Variants in PCDH11X observed in about 807,000 individuals in gnomAD.
The protein encoded by PCDH11X is protocadherin-11 X-linked.
In PCDH11X, 18 loss-of-function variants were observed where a neutral mutation model predicts 53.3. That is an observed-to-expected ratio of 0.34 (90% CI 0.23 to 0.50). The LOEUF (loss-of-function observed/expected upper bound fraction) is 0.50. PCDH11X is among the 20% of genes least tolerant of loss of function. The probability of loss-of-function intolerance (pLI) is 0.98; values close to 1 mark genes in which losing one functional copy is unlikely to be tolerated. For missense variants in PCDH11X, 570 were observed against 1,032.4 expected (o/e 0.55, Z 6.14); for synonymous variants, 279 against 393.3 (o/e 0.71, Z 3.44).
chrX:92,334,165 C>G (rs1390256814), intron 8 of PCDH11X, among the ~76,000 whole-genome samples: 1 of 111,680 alleles, frequency 9.0e-6, no homozygotes, highest in Non-Finnish European at 1.9e-5. Flanking sequence ...AATGTAGACA[C>G]TAGTCTATTT....
chrX:92,601,542 C>A (rs1366763657), intron 10 of PCDH11X, among the ~76,000 whole-genome samples: 2 of 107,043 alleles, frequency 1.9e-5, no homozygotes, highest in African/African-American at 6.9e-5. Flanking sequence ...CCATATGACC[C>A]AACCATTCTA....
intron 9 of PCDH11X, among the ~76,000 whole-genome samples, chrX:92,417,673 G>A (rs748848389): frequency 2.9e-4 from 32 of 110,674 alleles, no homozygotes; most frequent in Non-Finnish European, 2.3e-4. Flanking sequence ...AAAAATGACT[G>A]GTGGAAAAGA....
In PCDH11X at chrX:92,175,783, TATAC is replaced by T. The variant is rs1285185659; in HGVS notation, c.3034-25590_3034-25587del. On this transcript the variant is annotated intron_variant, in intron 6 of 10. Transcript: ENST00000682573. ...GTGTGTGTGTGTGTGTGTGTATATA[TATAC>T]ACACACACACACACACAGAGAGAGA... Among the ~76,000 whole-genome samples, 29 of 85,841 alleles carry T rather than the reference TATAC, an allele frequency of 3.4e-4. No individual in the cohort carries two copies. In the East Asian group the frequency reaches 5.8e-3, roughly 17 times the overall value. 74.5% of individuals were successfully genotyped at this position (85,841 alleles called of 115,157 possible). A position where few individuals can be genotyped will look rare whatever the true frequency, so the allele number is the denominator to read the frequency against.
intron 9 of PCDH11X, among the ~76,000 whole-genome samples, chrX:92,412,417 C>G (rs2071697197): frequency 9.7e-6 from 1 of 103,130 alleles, no homozygotes; most frequent in African/African-American, 3.6e-5. Flanking sequence ...CGTCTCAGAA[C>G]CTACTGAGGT....
intron 4 of PCDH11X, among the ~76,000 whole-genome samples, chrX:91,823,719 G>A (rs1936790307): frequency 9.0e-6 from 1 of 111,232 alleles, no homozygotes; most frequent in Non-Finnish European, 1.9e-5. Flanking sequence ...CTGTCATTAT[G>A]ATGTTAGCTG....
Position 92,044,257 on chromosome X carries a change from A to T in PCDH11X, c.3034-157118A>T, listed in dbSNP as rs2063251869. On this transcript the variant is annotated intron_variant, in intron 6 of 10. Transcript: ENST00000682573. ...CTGATAAGCGCTGAAGGCTGAATTGAGATGAATACATTCACTGTTGTTTAG... is the reference window on the plus strand; with the variant it reads ...CTGATAAGCGCTGAAGGCTGAATTGTGATGAATACATTCACTGTTGTTTAG... Among the ~76,000 whole-genome samples the T allele has an allele frequency of 2.9e-5, 3 of 104,843 alleles. No individual in the cohort carries two copies. The South Asian group carries it at 1.3e-3, about 47-fold the overall frequency. The allele number at this position is 104,843 out of a possible 115,157, so 91.0% of individuals were successfully genotyped here. A position where few individuals can be genotyped will look rare whatever the true frequency, so the allele number is the denominator to read the frequency against.
intron 1 of PCDH11X, among the ~76,000 whole-genome samples, chrX:91,807,649 G>T (rs1936164904): frequency 9.0e-6 from 1 of 111,408 alleles, no homozygotes; most frequent in South Asian, 3.8e-4. Context: ...AGAGGTTCAT[G>T]ACCTCTTGTT....
intron 10 of PCDH11X, among the ~76,000 whole-genome samples, chrX:92,580,663 G>A (rs970064461): frequency 3.9e-4 from 44 of 111,409 alleles, no homozygotes; most frequent in Admixed American, 8.6e-4. Context: ...AGTCATTTAG[G>A]CACTCTCCAA....
At chrX:92,312,894 G>T (rs2068981474) in intron 8 of PCDH11X, among the ~76,000 whole-genome samples, 1 of 111,266 alleles carries the variant, frequency 9.0e-6, no homozygotes, top group Non-Finnish European at 1.9e-5. Context: ...TCCTGTTCAG[G>T]AATAGAGGCT....
intron 8 of PCDH11X, among the ~76,000 whole-genome samples, chrX:92,275,445 C>T (rs998206963): frequency 9.0e-6 from 1 of 110,974 alleles, no homozygotes; most frequent in Admixed American, 9.6e-5. Flanking sequence ...TGTGGCAGTA[C>T]AGCCCAGGTA....
rs1334176380 is a variant in PCDH11X at position 92,005,214 on chromosome X, A to T, written c.3033+125941A>T. 2.7e-5 allele frequency among the ~76,000 whole-genome samples: 3 copies of T among 110,593 alleles called. No individual in the cohort carries two copies. In the East Asian group the frequency reaches 8.6e-4, roughly 32 times the overall value. ...TTAATGTTACTATTGATAAGTAAGGACCTACTCTTGCCATTTTCTTATTTA... is the reference window on the plus strand; with the variant it reads ...TTAATGTTACTATTGATAAGTAAGGTCCTACTCTTGCCATTTTCTTATTTA... On this transcript the variant is annotated intron_variant, in intron 6 of 10. Coordinates refer to ENST00000682573, the MANE Select transcript of PCDH11X (RefSeq NM_032968.5).
intron 6 of PCDH11X, among the ~76,000 whole-genome samples, chrX:92,167,072 T>G (rs1364033692): frequency 9.2e-6 from 1 of 109,068 alleles, no homozygotes; most frequent in Non-Finnish European, 1.9e-5. Context: ...CCTGCATTTC[T>G]TTTTGCTAAA....
At chrX:92,496,759 C>T (rs752095827) in intron 10 of PCDH11X, among the ~76,000 whole-genome samples, 3 of 105,891 alleles carry the variant, frequency 2.8e-5, no homozygotes, top group Non-Finnish European at 5.7e-5. Flanking sequence ...AATGTTATAC[C>T]GCAGGTATGC....
chrX:92,049,331 T>A (rs990910153), intron 6 of PCDH11X, among the ~76,000 whole-genome samples: 44 of 111,437 alleles, frequency 3.9e-4, no homozygotes, highest in Non-Finnish European at 7.0e-4. Context: ...CAGAGTCAGA[T>A]TGGAAAGTAA....
chrX:92,442,105 A>T (rs1332240922), intron 9 of PCDH11X, among the ~76,000 whole-genome samples: 1 of 111,106 alleles, frequency 9.0e-6, no homozygotes, highest in Non-Finnish European at 1.9e-5. Flanking sequence ...TCCCATTTGG[A>T]ATGGCTGTAT....
In PCDH11X at chrX:92,623,181, A is replaced by G. The variant is rs1329014428; in HGVS notation, c.*4241A>G. On this transcript the variant is annotated 3_prime_UTR_variant, in exon 11 of 11. Coordinates refer to ENST00000682573, the MANE Select transcript of PCDH11X (RefSeq NM_032968.5). ...TTAATTGTTCTATTTCAGGTTCTGTATTGCATGTTTTCTTATTAATATATA... is the reference window on the plus strand; with the variant it reads ...TTAATTGTTCTATTTCAGGTTCTGTGTTGCATGTTTTCTTATTAATATATA... The G allele has an allele frequency of 9.0e-6, 1 of 110,566 alleles. No individual in the cohort carries two copies. The highest frequency in any genetic ancestry group is 1.9e-5 in the Non-Finnish European group (1 of 52,656). The allele number at this position is 110,566 out of a possible 1,213,427, so 9.1% of individuals were successfully genotyped here. A position where few individuals can be genotyped will look rare whatever the true frequency, so the allele number is the denominator to read the frequency against.
chrX:92,276,155 C>A (rs1393380778), intron 8 of PCDH11X, among the ~76,000 whole-genome samples: 2 of 108,938 alleles, frequency 1.8e-5, no homozygotes, highest in Non-Finnish European at 3.8e-5. Flanking sequence ...GCTGTCAATA[C>A]CTACAACAGT....
chrX:92,578,835 T>C (rs1310318936), intron 10 of PCDH11X, among the ~76,000 whole-genome samples: 1 of 107,596 alleles, frequency 9.3e-6, no homozygotes, highest in African/African-American at 3.4e-5. Context: ...AGTTGCTTCA[T>C]AGTTTCATTG....
At chrX:92,070,947 G>A (rs1162481528) in intron 6 of PCDH11X, among the ~76,000 whole-genome samples, 3 of 104,236 alleles carry the variant, frequency 2.9e-5, no homozygotes, top group Admixed American at 2.2e-4. Context: ...CTAGAGGCAC[G>A]CGCCACCACA....
Sources: allele counts gnomAD v4.1 joint callset (sites outside exome capture counted in the v4.1 genomes callset), GRCh38; gene constraint gnomAD v4.1.1; transcripts MANE v1.5; gene names NCBI Gene and HGNC (gene_info 2026-07-23, HGNC 2026-07-21).